CLDN16: variants seen among roughly 807,000 people sequenced by gnomAD.
The protein encoded by CLDN16 is claudin 16.
CLDN16 carries 13 observed loss-of-function variants against 24.6 expected under a neutral mutation model. That is an observed-to-expected ratio of 0.53 (90% CI 0.34 to 0.84). CLDN16 has a LOEUF of 0.84. CLDN16 is among the 40% of genes least tolerant of loss of function. CLDN16 has a pLI of 0.01. For missense variants in CLDN16, 298 were observed against 292.7 expected, an observed-to-expected ratio of 1.02 and a Z score of -0.13; for synonymous variants, 116 against 106.7, an observed-to-expected ratio of 1.09 and a Z score of -0.54.
chr3:190,334,901 C>T (rs1050275684), intron 1 of CLDN16, among the ~76,000 whole-genome samples: 1 of 152,102 alleles, frequency 6.6e-6, no homozygotes. Flanking sequence ...CCCCTTGCAT[C>T]TAGGCAGTAG....
intron 1 of CLDN16, among the ~76,000 whole-genome samples, chr3:190,362,041 G>A (rs1416208473): frequency 6.9e-6 from 1 of 144,748 alleles, no homozygotes; most frequent in Non-Finnish European, 1.5e-5. Flanking sequence ...GTCTAACCTG[G>A]TCTAACCTGT....
chr3:190,388,050 TC>T, upstream of CLDN16: 1 of 1,437,426 alleles, frequency 7.0e-7, no homozygotes, highest in Non-Finnish European at 9.7e-7. Context: ...AACTCCTCTC[TC>T]CCCCACCCGA....
intron 1 of CLDN16, among the ~76,000 whole-genome samples, chr3:190,393,863 G>A (rs1577424623): frequency 6.7e-6 from 1 of 149,606 alleles, no homozygotes; most frequent in East Asian, 2.0e-4. Context: ...CGATTCTCCT[G>A]CCTCAGCCTC....
the CLDN16 span, among the ~76,000 whole-genome samples, chr3:190,301,905 T>C: frequency 1.3e-5 from 2 of 152,220 alleles, no homozygotes; most frequent in Non-Finnish European, 2.9e-5. Flanking sequence ...AATTTAGATC[T>C]ATGTTTCCTT....
At chr3:190,370,932 G>T (rs564349242) in exon 2 of CLDN16, 6 of 151,428 alleles carry the variant, frequency 4.0e-5, no homozygotes, top group African/African-American at 1.5e-4. Context: ...AAGTTCTTGA[G>T]TTTTGGGACT....
rs571867072 is a variant in CLDN16 at position 190,370,737 on chromosome 3, A to G, written n.122-156A>G. On this transcript the variant is annotated intron_variant and non_coding_transcript_variant, in intron 1 of 4. Coordinates refer to the CLDN16 transcript ENST00000468220. ...GAGGGTGCTGTTAAAGGAGATTAAC[A>G]TTTGAGTCAGTGGGCTGGGGAAGGT... 3.9e-5 allele frequency among the ~76,000 whole-genome samples: 6 copies of G among 152,044 alleles called. No homozygotes were observed. In the East Asian group the frequency reaches 9.8e-4, roughly 25 times the overall value.
chr3:190,363,665 A>C (rs1242598688), intron 1 of CLDN16, among the ~76,000 whole-genome samples: 1 of 146,610 alleles, frequency 6.8e-6, no homozygotes, highest in Non-Finnish European at 1.5e-5. Context: ...AGTTGAGTTG[A>C]GCTGCAGCTG....
At chr3:190,379,975 G>GTCTGTCTATCTA (rs1553806906) in intron 3 of CLDN16, among the ~76,000 whole-genome samples, 2 of 148,988 alleles carry the variant, frequency 1.3e-5, no homozygotes, top group South Asian at 4.3e-4. Flanking sequence ...TATCAACTCT[G>GTCTGTCTATCTA]TCTATCTATC....
At chr3:190,359,981 A>G (rs1293640146) in intron 1 of CLDN16, among the ~76,000 whole-genome samples, 1 of 152,000 alleles carries the variant, frequency 6.6e-6, no homozygotes, top group Non-Finnish European at 1.5e-5. Flanking sequence ...CACTCTGGCT[A>G]GGGCTGGAAT....
In CLDN16 at chr3:190,349,341, C is replaced by T. The variant is rs189435605; in HGVS notation, n.122-21552C>T. Among the ~76,000 whole-genome samples, 5 of 152,304 alleles carry T rather than the reference C, an allele frequency of 3.3e-5. No homozygotes were observed. The East Asian group carries it at 7.7e-4, about 24-fold the overall frequency. ...CTTCTCTCCTGCCACCACATGAAGA[C>T]ATGCTTGCTTCCCCTTGGCCCTTCT... On this transcript the variant is annotated intron_variant and non_coding_transcript_variant, in intron 1 of 4. Transcript: ENST00000468220.
chr3:190,376,177 A>G (rs1416419476), intron 3 of CLDN16, among the ~76,000 whole-genome samples: 2 of 151,884 alleles, frequency 1.3e-5, no homozygotes, highest in Admixed American at 1.3e-4. Context: ...TTTATTATTA[A>G]GAATCCTGTA....
At chr3:190,330,169 G>T (rs1717153847) in intron 1 of CLDN16, among the ~76,000 whole-genome samples, 1 of 152,102 alleles carries the variant, frequency 6.6e-6, no homozygotes, top group African/African-American at 2.4e-5. Flanking sequence ...CCAACTGTAT[G>T]CTCACTATTC....
chr3:190,328,118 CA>C (rs60601809), intron 1 of CLDN16, among the ~76,000 whole-genome samples: 90,001 of 142,876 alleles, frequency 0.63, 28,650 homozygotes, highest in East Asian at 0.84. Context: ...TCCATCTCTA[CA>C]AAAAAAAAAA....
At chr3:190,371,654 T>C (rs975049804) in intron 2 of CLDN16, among the ~76,000 whole-genome samples, 2 of 151,986 alleles carry the variant, frequency 1.3e-5, no homozygotes, top group Non-Finnish European at 2.9e-5. Context: ...TTTTTGTCTA[T>C]TTATTCACTG....
chr3:190,310,448 A>G, the CLDN16 span, among the ~76,000 whole-genome samples: 1 of 152,312 alleles, frequency 6.6e-6, no homozygotes, highest in South Asian at 2.1e-4. Flanking sequence ...AAAAAATACT[A>G]GGTTGGCATT....
At chr3:190,395,352 G>C (rs1718791361) in intron 1 of CLDN16, among the ~76,000 whole-genome samples, 1 of 151,940 alleles carries the variant, frequency 6.6e-6, no homozygotes, top group Non-Finnish European at 1.5e-5. Flanking sequence ...AAGATATAAA[G>C]TAAAAAGAAA....
At chr3:190,308,621 T>C in the CLDN16 span, among the ~76,000 whole-genome samples, 2 of 152,136 alleles carry the variant, frequency 1.3e-5, no homozygotes, top group Non-Finnish European at 2.9e-5. Flanking sequence ...ATATTGCAAT[T>C]GGTGACAATT....
chr3:190,399,833 T>C (rs1718917979), intron 1 of CLDN16, among the ~76,000 whole-genome samples: 1 of 152,080 alleles, frequency 6.6e-6, no homozygotes, highest in Non-Finnish European at 1.5e-5. Flanking sequence ...AGGTGAGCAG[T>C]GAGCAAGTGA....
chr3:190,300,984 T>G, the CLDN16 span, among the ~76,000 whole-genome samples: 1 of 152,122 alleles, frequency 6.6e-6, no homozygotes, highest in Non-Finnish European at 1.5e-5. Context: ...ATAAATTTGG[T>G]TTCTGCCATT....
Sources: gnomAD v4.1 joint callset for allele counts (sites outside exome capture counted in the v4.1 genomes callset) on GRCh38, gnomAD v4.1.1 for gene constraint, MANE v1.5 for transcripts, NCBI Gene and HGNC (gene_info 2026-07-23, HGNC 2026-07-21) for gene names.